WNT9B: variants seen among roughly 807,000 people sequenced by gnomAD.
The protein encoded by WNT9B is Wnt family member 9B.
In WNT9B, 12 loss-of-function variants were observed where a neutral mutation model predicts 30.2. That is an observed-to-expected ratio of 0.40 (90% CI 0.26 to 0.64). WNT9B has a LOEUF of 0.64. WNT9B is among the 30% of genes least tolerant of loss of function. The pLI is 0.42. For synonymous variants in WNT9B, 218 were observed against 216.9 expected (o/e 1.01, Z -0.05); for missense variants, 442 against 485.2 (o/e 0.91, Z 0.84).
In WNT9B at chr17:46,840,323, T is replaced by A. The variant is rs192961504; in HGVS notation, c.95+6883T>A. Among the ~76,000 whole-genome samples the A allele has an allele frequency of 2.2e-3, 329 of 152,270 alleles. 1 individual carries two copies. The highest frequency in any genetic ancestry group is 2.9e-3 in the Non-Finnish European group (197 of 68,014). On this transcript the variant is annotated intron_variant, in intron 1 of 2. Transcript: ENST00000575372. ...GGATGGTCTCGATCTCCTGACCTCA[T>A]GATCCACCCGCCTCGGCCTCCCAAA...
At position 46,840,603 on chromosome 17, in the gene WNT9B, T is replaced by C. The variant is rs149566369; in HGVS notation, c.95+7163T>C. Among the ~76,000 whole-genome samples the C allele has an allele frequency of 3.3e-5, 5 of 152,354 alleles. No individual in the cohort carries two copies. The East Asian group carries it at 9.6e-4, about 29-fold the overall frequency. On this transcript the variant is annotated intron_variant, in intron 1 of 2. Transcript: ENST00000575372. The stretch of plus-strand genomic sequence containing the variant: ...TTGCCATACTGTCTAATTGAACTAA[T>C]TTACACTCCCACCAACAGTGTAAAA...
intron 1 of WNT9B, among the ~76,000 whole-genome samples, chr17:46,845,730 C>T (rs1452557528): frequency 6.6e-6 from 1 of 150,590 alleles, no homozygotes; most frequent in Admixed American, 6.6e-5. Flanking sequence ...CCTTGTGATC[C>T]AACCACCTCG....
chr17:46,876,327 T>G lies in WNT9B; in HGVS notation c.683T>G (p.Leu228Arg). The change falls in exon 4 of 4, where the codon CTC becomes CGC. Residue 228 changes from leucine (L) to arginine (R), a missense_variant. Leu to Arg is a moderately radical substitution (Grantham distance 102). Coordinates refer to ENST00000290015, the MANE Select transcript of WNT9B (RefSeq NM_003396.3). ...SCAVRTCWKQLSPFRETGQVL... is the reference protein window; with the variant it reads ...SCAVRTCWKQRSPFRETGQVL... ...GCCGTGCGCACCTGCTGGAAGCAGC[T>G]CTCCCCGTTCCGTGAGACGGGCCAG... 1.9e-6 allele frequency: 3 copies of G among 1,614,166 alleles called. No individual in the cohort carries two copies. Among genetic ancestry groups the G allele is most frequent in the Non-Finnish European group, 2.5e-6 (3 of 1,180,040 alleles).
Position 46,872,743 on chromosome 17 carries a change from C to G in WNT9B, c.304C>G (p.Leu102Val). The G allele has an allele frequency of 6.5e-7, 1 of 1,531,590 alleles. No individual in the cohort carries two copies. Among genetic ancestry groups the G allele is most frequent in the Non-Finnish European group, 8.8e-7 (1 of 1,130,844 alleles). 94.9% of individuals were successfully genotyped at this position (1,531,590 alleles called of 1,614,324 possible). A position where few individuals can be genotyped will look rare whatever the true frequency, so the allele number is the denominator to read the frequency against. Residue 102 changes from leucine to valine, a missense_variant, in exon 2 of 4, where the codon CTG (leucine) becomes GTG (valine). Leu to Val is a conservative substitution (Grantham distance 32, BLOSUM62 1). Transcript: ENST00000290015. ...CCGGCATGAGCGCTGGAACTGTAGC[C>G]TGGAGGGCAGGATGGGCCTGCTCAA... is the stretch of plus-strand genomic sequence containing the variant. ...QFRHERWNCS[L>V]EGRMGLLKRG...
Position 46,879,586 on chromosome 17 carries a change from GGCCACATTACTGTGGC to G in WNT9B, c.*2869_*2884del, listed in dbSNP as rs2085396718. ...TCCGTTATCTCTGTGAGGTAGGTGG[GGCCACATTACTGTGGC>G]CATTTTATAGATGAGGTCCAGAGAT... On this transcript the variant is annotated 3_prime_UTR_variant, in exon 4 of 4. Transcript: ENST00000290015. Among the ~76,000 whole-genome samples the G allele has an allele frequency of 6.6e-6, 1 of 152,172 alleles. No homozygotes were observed. Among genetic ancestry groups the G allele is most frequent in the African/African-American group, 2.4e-5 (1 of 41,426 alleles).
At chr17:46,869,483 C>T (rs971753078) in intron 1 of WNT9B, among the ~76,000 whole-genome samples, 1 of 152,204 alleles carries the variant, frequency 6.6e-6, no homozygotes, top group African/African-American at 2.4e-5. Flanking sequence ...TCTCCACCCA[C>T]TCCATGCCAG....
chr17:46,864,691 A>T (rs973782534), intron 1 of WNT9B, among the ~76,000 whole-genome samples: 7 of 151,832 alleles, frequency 4.6e-5, no homozygotes, highest in Admixed American at 2.6e-4. Flanking sequence ...GGCTTCCCTG[A>T]TGTGCTGGGT....
chr17:46,851,750 G>A lies in WNT9B; in HGVS notation c.77+35G>A. ...CGCCGCGCCCCCCGCCCGCTCCCCG[G>A]CCTGCCTGTCTCTCCCTCCTGCGCT... On this transcript the variant is annotated intron_variant, in intron 1 of 3. Transcript: ENST00000290015. This position sits in a 1 kb window ranked among gnomAD's most constrained non-coding sequence, Gnocchi z 4.3. The A allele has an allele frequency of 8.6e-7, 1 of 1,156,898 alleles. No individual in the cohort carries two copies. Among genetic ancestry groups the A allele is most frequent in the East Asian group, 3.2e-5 (1 of 31,140 alleles). The allele number at this position is 1,156,898 out of a possible 1,614,324, so 71.7% of individuals were successfully genotyped here.
At chr17:46,868,648 TG>T (rs377135895) in intron 1 of WNT9B, among the ~76,000 whole-genome samples, 2 of 152,156 alleles carry the variant, frequency 1.3e-5, no homozygotes, top group African/African-American at 4.8e-5. Flanking sequence ...CACATTTTTC[TG>T]GGTTCATAAG....
exon 1 of WNT9B, chr17:46,833,303 C>T (rs1451577654): frequency 4.0e-6 from 2 of 501,854 alleles, no homozygotes; most frequent in Non-Finnish European, 4.0e-6. Context: ...TAACGTCCCA[C>T]TGAAAGCAAG....
Position 46,879,418 on chromosome 17 carries a change from G to A in WNT9B, c.*2700G>A, listed in dbSNP as rs1279527835. Among the ~76,000 whole-genome samples the A allele has an allele frequency of 3.3e-5, 5 of 152,206 alleles. No homozygotes were observed. Among genetic ancestry groups the A allele is most frequent in the African/African-American group, 1.2e-4 (5 of 41,456 alleles). On this transcript the variant is annotated 3_prime_UTR_variant, in exon 4 of 4. Coordinates refer to ENST00000290015, the MANE Select transcript of WNT9B (RefSeq NM_003396.3). Reference sequence around the variant, plus strand: ...GTTTTTGTAGATTTTCTGCCCTTCTGGGTCCAGGCCCCCTTCTTCTGCTCT... The same window carrying A: ...GTTTTTGTAGATTTTCTGCCCTTCTAGGTCCAGGCCCCCTTCTTCTGCTCT...
chr17:46,868,347 T>G (rs2085176089), intron 1 of WNT9B, among the ~76,000 whole-genome samples: 2 of 152,036 alleles, frequency 1.3e-5, no homozygotes. Flanking sequence ...ATCCCAGCAC[T>G]TTGGGAGGCC....
intron 1 of WNT9B, among the ~76,000 whole-genome samples, chr17:46,837,032 T>A (rs1441283926): frequency 6.6e-6 from 1 of 152,044 alleles, no homozygotes; most frequent in Admixed American, 6.6e-5. Flanking sequence ...AACCTCCACC[T>A]CCCAGGTTCA....
At chr17:46,868,398 C>T (rs1488945918) in intron 1 of WNT9B, among the ~76,000 whole-genome samples, 1 of 151,846 alleles carries the variant, frequency 6.6e-6, no homozygotes, top group African/African-American at 2.4e-5. Flanking sequence ...TCAAGACCAG[C>T]CTAGCCAACA....
chr17:46,849,846 T>A (rs58897475), upstream of WNT9B, among the ~76,000 whole-genome samples: 1 of 148,016 alleles, frequency 6.8e-6, no homozygotes, highest in Non-Finnish European at 1.5e-5. Flanking sequence ...AGGCATTTAA[T>A]ATCTTTTTTT....
intron 1 of WNT9B, among the ~76,000 whole-genome samples, chr17:46,857,429 T>A (rs1311406684): frequency 6.9e-6 from 1 of 144,408 alleles, no homozygotes; most frequent in South Asian, 2.1e-4. Flanking sequence ...GAGCCAAGAC[T>A]GTGCCACTGC....
chr17:46,835,142 ACAC>A lies in WNT9B; in HGVS notation c.95+1709_95+1711del, dbSNP rs2084612000. Among the ~76,000 whole-genome samples, 3 of 151,896 alleles carry A rather than the reference ACAC, an allele frequency of 2.0e-5. No homozygotes were observed. In the South Asian group the frequency reaches 6.2e-4, roughly 32 times the overall value. On this transcript the variant is annotated intron_variant, in intron 1 of 2. Coordinates refer to the WNT9B transcript ENST00000575372. The stretch of plus-strand genomic sequence containing the variant: ...CCTGAGTAGCTGGCACTACAGGAAC[ACAC>A]CACCACACCTGGCTAATTTTTTTTT...
At chr17:46,833,217 G>T in exon 1 of WNT9B, 1 of 405,502 alleles carries the variant, frequency 2.5e-6, no homozygotes, top group East Asian at 7.1e-5. Flanking sequence ...CCGGGAAGCA[G>T]CATGTGCGTG....
chr17:46,839,369 C>T (rs554059569), intron 1 of WNT9B, among the ~76,000 whole-genome samples: 30 of 152,322 alleles, frequency 2.0e-4, no homozygotes, highest in South Asian at 6.2e-4. Flanking sequence ...TAGCCCCTGG[C>T]GGGTCCAGGC....
Sources: gnomAD v4.1 joint callset for allele counts (sites outside exome capture counted in the v4.1 genomes callset) on GRCh38, gnomAD v4.1.1 for gene constraint, Gnocchi (gnomAD v3.1) non-coding constraint, MANE v1.5 for transcripts, NCBI Gene and HGNC (gene_info 2026-07-23, HGNC 2026-07-21) for gene names.